KANK1: variants seen among roughly 807,000 people sequenced by gnomAD.
KANK1 encodes the protein KN motif and ankyrin repeat domain-containing protein 1.
A neutral mutation model predicts 106.2 loss-of-function variants in KANK1; 109 were observed. The ratio of observed to expected loss-of-function variants is 1.03; its 90% confidence interval spans 0.88 to 1.20. The LOEUF (loss-of-function observed/expected upper bound fraction) is 1.20. KANK1 is among the 50% of genes most tolerant of loss of function. KANK1 has a pLI of 0.00. For missense variants in KANK1, 2,399 were observed against 1,710.7 expected, an observed-to-expected ratio of 1.40 and a Z score of -7.10; for synonymous variants, 873 against 652.2, an observed-to-expected ratio of 1.34 and a Z score of -5.16.
intron 1 of KANK1, among the ~76,000 whole-genome samples, chr9:633,527 C>T (rs951185990): frequency 3.9e-5 from 6 of 152,168 alleles, no homozygotes; most frequent in African/African-American, 1.4e-4. Flanking sequence ...ACAGTGCTAC[C>T]CCTTCTCCCA....
exon 1 of KANK1, chr9:470,310 C>T (rs1165021790): frequency 1.3e-5 from 2 of 150,834 alleles, no homozygotes; most frequent in Non-Finnish European, 3.0e-5. Context: ...TGTTTCGGGG[C>T]GTCCGAAGCG....
intron 2 of KANK1, among the ~76,000 whole-genome samples, chr9:703,182 G>A (rs568842123): frequency 3.3e-5 from 5 of 152,192 alleles, no homozygotes; most frequent in Admixed American, 3.3e-4. Context: ...AGTAGAGACA[G>A]GGTTTCACCA....
rs530012254 is a variant in KANK1 at position 672,757 on chromosome 9, C to T, written c.-83-4133C>T. 4.6e-5 allele frequency among the ~76,000 whole-genome samples: 7 copies of T among 152,268 alleles called. No homozygotes were observed. The South Asian group carries it at 1.5e-3, about 32-fold the overall frequency. On this transcript the variant is annotated intron_variant, in intron 1 of 11. Coordinates refer to ENST00000382297, the MANE Select transcript of KANK1 (RefSeq NM_015158.5). ...ATGGGGTCAGCTCATGCAATGTTTC[C>T]GTCATTCATTGTACCTTACTTGGCG... is the stretch of plus-strand genomic sequence containing the variant.
At chr9:690,415 A>T (rs1819636791) in intron 2 of KANK1, among the ~76,000 whole-genome samples, 1 of 152,186 alleles carries the variant, frequency 6.6e-6, no homozygotes, top group African/African-American at 2.4e-5. Context: ...TAGCAGTAGA[A>T]TAGCACCATG....
chr9:698,956 G>T (rs148921559), intron 2 of KANK1, among the ~76,000 whole-genome samples: 20 of 152,238 alleles, frequency 1.3e-4, no homozygotes, highest in African/African-American at 4.6e-4. Context: ...TGATCCCCAG[G>T]GTCCTGTGGA....
Position 671,623 on chromosome 9 carries a change from A to AAAAAAAAGAAAAAAAAAG in KANK1, c.-83-5263_-83-5262insAAAGAAAAAAAAAGAAAA, listed in dbSNP as rs79437342. On this transcript the variant is annotated intron_variant, in intron 1 of 11. Coordinates refer to ENST00000382297, the MANE Select transcript of KANK1 (RefSeq NM_015158.5). ...AGAGCGAAACTCCGTCTCAAAAAAA[A>AAAAAAAAGAAAAAAAAAG]AAAAGAGTGTACTGGTTAAGTACTG... is the stretch of plus-strand genomic sequence containing the variant. Among the ~76,000 whole-genome samples, 3 of 103,626 alleles carry AAAAAAAAGAAAAAAAAAG rather than the reference A, an allele frequency of 2.9e-5. No individual in the cohort carries two copies. The East Asian group carries it at 9.6e-4, about 33-fold the overall frequency. 68.0% of individuals were successfully genotyped at this position (103,626 alleles called of 152,430 possible).
chr9:717,092 C>T (rs1827917075), intron 3 of KANK1, among the ~76,000 whole-genome samples: 1 of 152,056 alleles, frequency 6.6e-6, no homozygotes, highest in Admixed American at 6.5e-5. Context: ...CGAGACCATC[C>T]TGGGCAATAT....
intron 1 of KANK1, among the ~76,000 whole-genome samples, chr9:522,457 G>A (rs1215743676): frequency 6.6e-6 from 1 of 151,572 alleles, no homozygotes; most frequent in Non-Finnish European, 1.5e-5. Context: ...CACAAGCAGA[G>A]CATATGCTCT....
chr9:537,104 AAAAC>A (rs1290101330), intron 1 of KANK1, among the ~76,000 whole-genome samples: 1 of 152,232 alleles, frequency 6.6e-6, no homozygotes, highest in Admixed American at 6.5e-5. Flanking sequence ...AACTAAAACT[AAAAC>A]AACAGGAACC....
intron 1 of KANK1, among the ~76,000 whole-genome samples, chr9:538,491 C>G (rs961242519): frequency 7.9e-5 from 12 of 152,192 alleles, no homozygotes; most frequent in African/African-American, 2.9e-4. Context: ...TCCTAAGAGG[C>G]ACATTCTGCC....
At chr9:738,840 T>C (rs189982390) in intron 8 of KANK1, among the ~76,000 whole-genome samples, 173 of 152,278 alleles carry the variant, frequency 1.1e-3, no homozygotes, top group African/African-American at 3.9e-3. Context: ...GCTTGGCCGG[T>C]TTGCACTCAG....
chr9:614,943 G>C (rs1278610931), intron 1 of KANK1, among the ~76,000 whole-genome samples: 2 of 151,458 alleles, frequency 1.3e-5, no homozygotes, highest in Admixed American at 1.3e-4. Flanking sequence ...TAATTTTATG[G>C]TACCCATCCC....
Position 712,270 on chromosome 9 carries a change from G to C in KANK1, c.1504G>C (p.Asp502His). 6.2e-7 allele frequency: 1 copy of C among 1,614,168 alleles called. No homozygotes were observed. The highest frequency in any genetic ancestry group is 2.2e-5 in the East Asian group (1 of 44,878). ...GGCTGCTGGATCGAGGAAAAAGGTTGACAAAGCCACGATGGCCCAGCCGCT... is the reference window on the plus strand; with the variant it reads ...GGCTGCTGGATCGAGGAAAAAGGTTCACAAAGCCACGATGGCCCAGCCGCT... Reference protein sequence around the residue: ...LQAAGSRKKVDKATMAQPLVF... With the variant: ...LQAAGSRKKVHKATMAQPLVF... Residue 502 changes from aspartate (D) to histidine (H), a missense_variant, in exon 3 of 12, where the codon GAC becomes CAC. By Grantham distance (81) the Asp-to-His change is moderately conservative. Transcript: ENST00000382297.
intron 1 of KANK1, among the ~76,000 whole-genome samples, chr9:667,710 C>T (rs1480456646): frequency 3.4e-5 from 5 of 148,598 alleles, no homozygotes; most frequent in Non-Finnish European, 5.9e-5. Context: ...GTTTAATTTC[C>T]ATGTTTTTGT....
At chr9:689,795 A>G (rs954841127) in intron 2 of KANK1, among the ~76,000 whole-genome samples, 39 of 152,122 alleles carry the variant, frequency 2.6e-4, no homozygotes, top group African/African-American at 8.0e-4. Context: ...GGGAAGTCCA[A>G]TATAACAGAA....
At chr9:505,050 G>A (rs2058682277) in intron 1 of KANK1, among the ~76,000 whole-genome samples, 1 of 151,922 alleles carries the variant, frequency 6.6e-6, no homozygotes, top group Admixed American at 6.6e-5. Flanking sequence ...CTGGAGGAGG[G>A]AGAGGCGCGC....
intron 2 of KANK1, among the ~76,000 whole-genome samples, chr9:696,297 A>G (rs1423478209): frequency 6.6e-6 from 1 of 151,988 alleles, no homozygotes. Context: ...AAAAAAAAAA[A>G]AACTGCTTGA....
rs147896444 is a variant in KANK1, at chr9:641,518, A to C, written c.-83-35372A>C. On this transcript the variant is annotated intron_variant, in intron 1 of 11. Transcript: ENST00000382297. ...AACAACATGCAAATGGAGCTGCTGCACAAAGTTTAGGGAGTTCTAAGCGTT... is the reference window on the plus strand; with the variant it reads ...AACAACATGCAAATGGAGCTGCTGCCCAAAGTTTAGGGAGTTCTAAGCGTT... Among the ~76,000 whole-genome samples, 19 of 152,324 alleles carry C rather than the reference A, an allele frequency of 1.2e-4. No individual in the cohort carries two copies. The East Asian group carries it at 3.5e-3, about 28-fold the overall frequency.
chr9:525,472 C>T (rs760318426), intron 1 of KANK1, among the ~76,000 whole-genome samples: 1 of 151,038 alleles, frequency 6.6e-6, no homozygotes, highest in South Asian at 2.1e-4. Context: ...TTCCACCTCC[C>T]TGGTTCAAGC....
Sources: gnomAD v4.1 joint callset for allele counts (sites outside exome capture counted in the v4.1 genomes callset) on GRCh38, gnomAD v4.1.1 for gene constraint, MANE v1.5 for transcripts, NCBI Gene and HGNC (gene_info 2026-07-23, HGNC 2026-07-21) for gene names.